The following PLCXD2 variants were observed in gnomAD, a reference collection of about 807,000 sequenced individuals.
PLCXD2 encodes PI-PLC X domain-containing protein 2.
Under a neutral mutation model 28.6 loss-of-function variants are expected in PLCXD2, and 21 were observed. The observed-to-expected ratio is 0.73, with a 90% CI of 0.52 to 1.06. The LOEUF (loss-of-function observed/expected upper bound fraction) is 1.06, where lower values mean the gene tolerates loss of function less well. PLCXD2 is among the 50% of genes least tolerant of loss of function. The probability of loss-of-function intolerance (pLI) is 0.00; values close to 1 mark genes in which losing one functional copy is unlikely to be tolerated. For synonymous variants in PLCXD2, 140 were observed against 150.1 expected, an observed-to-expected ratio of 0.93 and a Z score of 0.49; for missense variants, 369 against 376.7, an observed-to-expected ratio of 0.98 and a Z score of 0.17.
At chr3:111,715,138 A>G (rs1427070796) in intron 3 of PLCXD2, among the ~76,000 whole-genome samples, 2 of 152,212 alleles carry the variant, frequency 1.3e-5, no homozygotes, top group Non-Finnish European at 2.9e-5. Flanking sequence ...GATTATGTCA[A>G]CCATGGACAA....
chr3:111,708,348 A>G lies in PLCXD2; in HGVS notation c.586A>G (p.Ser196Gly). 1 of 1,614,104 alleles carries G rather than the reference A, an allele frequency of 6.2e-7. No homozygotes were observed. The highest frequency in any genetic ancestry group is 1.7e-4 in the Middle Eastern group (1 of 6,024). ...GCTGTGCCCAGCCTGCAGTGTGGAA[A>G]GTTTGACGCTGCGAACTCTGTGGGA... Residue 196 changes from serine (S) to glycine (G), a missense_variant, in exon 2 of 5, where the codon AGT (serine) becomes GGT (glycine). Coordinates refer to ENST00000477665, the MANE Select transcript of PLCXD2 (RefSeq NM_001185106.1).
At chr3:111,725,327 C>T (rs1233744397) in intron 3 of PLCXD2, 1 of 291,398 alleles carries the variant, frequency 3.4e-6, no homozygotes, top group Non-Finnish European at 6.3e-6. Flanking sequence ...TCTTGGCCCT[C>T]TGCCTCTGGC....
chr3:111,685,857 G>A (rs1940787052), intron 1 of PLCXD2, among the ~76,000 whole-genome samples: 1 of 152,180 alleles, frequency 6.6e-6, no homozygotes, highest in Non-Finnish European at 1.5e-5. Context: ...AATTGAAGAA[G>A]AGAAAATCTT....
chr3:111,677,702 C>T (rs1940645938), intron 1 of PLCXD2, among the ~76,000 whole-genome samples: 1 of 152,204 alleles, frequency 6.6e-6, no homozygotes, highest in Non-Finnish European at 1.5e-5. Context: ...GGCACTGTCT[C>T]TGTGCCCCTG....
At chr3:111,700,610 GA>G (rs5851778) in intron 1 of PLCXD2, among the ~76,000 whole-genome samples, 60,290 of 151,256 alleles carry the variant, frequency 0.4, 14,015 homozygotes, top group East Asian at 0.55. Flanking sequence ...TGGAGAAGAG[GA>G]AAAAAAAAAT....
chr3:111,722,514 G>A (rs1410734172), intron 3 of PLCXD2: 2 of 152,218 alleles, frequency 1.3e-5, no homozygotes, highest in Non-Finnish European at 2.9e-5. Flanking sequence ...CCCTCCAGAA[G>A]AGTGTTGAAA....
Position 111,708,085 on chromosome 3 carries a change from C to T in PLCXD2, c.323C>T (p.Ala108Val). The T allele has an allele frequency of 1.2e-6, 2 of 1,614,228 alleles. No homozygotes were observed. Among genetic ancestry groups the T allele is most frequent in the East Asian group, 4.5e-5 (2 of 44,890 alleles). Residue 108 changes from alanine to valine, a missense_variant, in exon 2 of 5, where the codon GCT becomes GTT. By Grantham distance (64) the Ala-to-Val change is moderately conservative. Transcript: ENST00000477665. ...CTGACATTTCGAGAACAGCTGGAAG[C>T]TGGGATCCGCTACTTTGACCTGCGT... is the stretch of plus-strand genomic sequence containing the variant.
chr3:111,718,046 G>T (rs530208004), intron 3 of PLCXD2, among the ~76,000 whole-genome samples: 6 of 151,096 alleles, frequency 4.0e-5, no homozygotes, highest in African/African-American at 1.5e-4. Context: ...CACTTTACAT[G>T]TATTATTTTG....
At chr3:111,725,403 A>G (rs1223964354) in intron 3 of PLCXD2, 5 of 366,480 alleles carry the variant, frequency 1.4e-5, no homozygotes, top group Non-Finnish European at 1.9e-5. Flanking sequence ...ACACAGAGTG[A>G]ACTGTTTGAG....
chr3:111,686,010 A>G (rs1446338283), intron 1 of PLCXD2, among the ~76,000 whole-genome samples: 1 of 152,212 alleles, frequency 6.6e-6, no homozygotes, highest in Non-Finnish European at 1.5e-5. Context: ...TGGAATGCTC[A>G]TTGTGCCTTG....
chr3:111,681,315 C>T (rs17423232), intron 1 of PLCXD2, among the ~76,000 whole-genome samples: 16,174 of 152,212 alleles, frequency 0.11, 1,021 homozygotes, highest in Non-Finnish European at 0.14. Context: ...GACTGTCATC[C>T]CCAGACATCC....
In PLCXD2 at chr3:111,675,374, C is replaced by T. The variant is rs1358819972; in HGVS notation, c.129C>T (p.Leu43=). The T allele has an allele frequency of 2.5e-6, 4 of 1,614,166 alleles. No individual in the cohort carries two copies. The South Asian group carries it at 4.4e-5, about 18-fold the overall frequency. ...GGATGGCCTCGCTCCCCCCTCACCT[C>T]CACAACCTCCCCCTTTCCAATCTGG... Residue 43 remains leucine, a synonymous_variant, in exon 1 of 5, where the codon CTC becomes CTT. Coordinates refer to ENST00000477665, the MANE Select transcript of PLCXD2 (RefSeq NM_001185106.1).
chr3:111,695,969 T>C (rs1363644876), intron 1 of PLCXD2, among the ~76,000 whole-genome samples: 2 of 152,218 alleles, frequency 1.3e-5, no homozygotes, highest in African/African-American at 2.4e-5. Context: ...TACTATTTTT[T>C]CTCAGAAAAA....
chr3:111,720,679 TG>T, intron 3 of PLCXD2, 43 bp from the exon 4 acceptor site: 1 of 416,742 alleles, frequency 2.4e-6, no homozygotes, highest in Non-Finnish European at 4.4e-6. Context: ...CCCTCTAAGC[TG>T]TACTGTATCC....
intron 1 of PLCXD2, among the ~76,000 whole-genome samples, chr3:111,689,906 A>G (rs1940850182): frequency 6.6e-6 from 1 of 152,202 alleles, no homozygotes; most frequent in Non-Finnish European, 1.5e-5. Flanking sequence ...AAGAACAAGT[A>G]TAATAATAAT....
intron 1 of PLCXD2, among the ~76,000 whole-genome samples, chr3:111,678,320 G>C (rs1471860489): frequency 6.6e-6 from 1 of 152,184 alleles, no homozygotes; most frequent in African/African-American, 2.4e-5. Context: ...ATTGCTAACT[G>C]TATAGAATCA....
chr3:111,688,833 AAAAG>A (rs1486044383), intron 1 of PLCXD2, among the ~76,000 whole-genome samples: 8 of 151,864 alleles, frequency 5.3e-5, no homozygotes, highest in African/African-American at 1.9e-4. Context: ...TAACTTTAAA[AAAAG>A]AATTAAATAA....
chr3:111,711,245 A>G (rs1941195521), intron 2 of PLCXD2, among the ~76,000 whole-genome samples: 1 of 152,072 alleles, frequency 6.6e-6, no homozygotes. Context: ...CTCTACTAAA[A>G]ATACAAAAAT....
intron 1 of PLCXD2, among the ~76,000 whole-genome samples, chr3:111,693,389 T>G (rs1255870505): frequency 1.3e-5 from 2 of 152,214 alleles, no homozygotes; most frequent in Non-Finnish European, 2.9e-5. Flanking sequence ...CCTGCTGCAT[T>G]CTACACTAGT....
Sources: allele counts gnomAD v4.1 joint callset (sites outside exome capture counted in the v4.1 genomes callset), GRCh38; gene constraint gnomAD v4.1.1; transcripts MANE v1.5; gene names NCBI Gene and HGNC (gene_info 2026-07-23, HGNC 2026-07-21).